Variants in RIMS1 observed in about 807,000 individuals in gnomAD.
RIMS1 encodes regulating synaptic membrane exocytosis protein 1.
RIMS1 carries 83 observed loss-of-function variants against 214.1 expected under a neutral mutation model. The ratio of observed to expected loss-of-function variants is 0.39; its 90% CI spans 0.32 to 0.47. The LOEUF is 0.47. Ranked by LOEUF, RIMS1 falls within the 20% of genes least tolerant of loss-of-function variation. The pLI is 0.99. For synonymous variants in RIMS1, 793 were observed against 786.8 expected (o/e 1.01, Z -0.13); for missense variants, 2,050 against 2,161.8 (o/e 0.95, Z 1.03).
intron 4 of RIMS1, among the ~76,000 whole-genome samples, chr6:72,145,010 G>A (rs1479009538): frequency 1.3e-5 from 2 of 151,674 alleles, no homozygotes; most frequent in Non-Finnish European, 2.9e-5. Context: ...TCAGCCTCCT[G>A]AGTAGCATAA....
chr6:72,206,951 A>G (rs949234237), intron 6 of RIMS1, among the ~76,000 whole-genome samples: 1 of 152,232 alleles, frequency 6.6e-6, no homozygotes. Context: ...TAGTATGACT[A>G]TTTATTTTTT....
At chr6:71,979,076 A>G (rs1163251803) in intron 2 of RIMS1, among the ~76,000 whole-genome samples, 3 of 152,106 alleles carry the variant, frequency 2.0e-5, no homozygotes, top group African/African-American at 7.2e-5. Context: ...GTTCTGCCAT[A>G]GCTATTTTAA....
chr6:72,388,088 C>T (rs1008103890), intron 29 of RIMS1, among the ~76,000 whole-genome samples: 1 of 152,122 alleles, frequency 6.6e-6, no homozygotes. Flanking sequence ...TCACAATGAC[C>T]CTGCTCACAT....
chr6:71,913,931 A>T (rs1303185818), intron 1 of RIMS1, among the ~76,000 whole-genome samples: 1 of 152,160 alleles, frequency 6.6e-6, no homozygotes, highest in African/African-American at 2.4e-5. Context: ...GAGTATCTAT[A>T]GCACTACTAA....
intron 1 of RIMS1, among the ~76,000 whole-genome samples, chr6:71,964,254 A>G (rs1187241658): frequency 6.6e-6 from 1 of 152,174 alleles, no homozygotes; most frequent in Non-Finnish European, 1.5e-5. Context: ...GCAGGAAGGT[A>G]GATGGAGGGA....
At chr6:72,262,215 A>G (rs1009070654) in intron 19 of RIMS1, 5 of 787,800 alleles carry the variant, frequency 6.3e-6, no homozygotes, top group Non-Finnish European at 7.7e-6. Flanking sequence ...GTAAAATATT[A>G]TATACTTATA....
chr6:72,252,869 C>T (rs1006396671), intron 16 of RIMS1, 37 bp downstream of exon 16: 65 of 1,488,522 alleles, frequency 4.4e-5, no homozygotes, highest in Middle Eastern at 1.7e-4. Context: ...CTTCACTGTG[C>T]TGCTTTGCTT....
chr6:72,254,844 C>A lies in RIMS1; in HGVS notation c.2770+2012C>A, dbSNP rs192445586. 2.3e-4 allele frequency among the ~76,000 whole-genome samples: 35 copies of A among 152,216 alleles called. No individual in the cohort carries two copies. In the East Asian group the frequency reaches 5.8e-3, roughly 25 times the overall value. ...TACTTATATTCCATACTGAAATATA[C>A]CATGTCCCTCAAAGTGTTTGCAAAC... On this transcript the variant is annotated intron_variant, in intron 16 of 33. Coordinates refer to ENST00000521978, the MANE Select transcript of RIMS1 (RefSeq NM_014989.7).
intron 4 of RIMS1, among the ~76,000 whole-genome samples, chr6:72,103,173 C>A (rs79603239): frequency 0.011 from 1,707 of 152,146 alleles, 11 homozygotes; most frequent in Non-Finnish European, 0.017. Context: ...GATTAGATTT[C>A]ACAAGCTGTC....
chr6:72,270,297 CTA>C (rs1488489620), intron 22 of RIMS1, among the ~76,000 whole-genome samples: 1 of 152,048 alleles, frequency 6.6e-6, no homozygotes, highest in Non-Finnish European at 1.5e-5. Context: ...TATTTAAGGA[CTA>C]AAATGAATAA....
chr6:72,116,693 A>T lies in RIMS1; in HGVS notation c.471+16707A>T, dbSNP rs561430416. ...TCTTTATGCCTCTATATAGCCATAG[A>T]TAATACAAATAGATGTGGCCATGAT... On this transcript the variant is annotated intron_variant, in intron 4 of 33. Transcript: ENST00000521978. Among the ~76,000 whole-genome samples, 658 of 152,130 alleles carry T rather than the reference A, an allele frequency of 4.3e-3. 4 individuals are homozygous for T. The highest frequency in any genetic ancestry group is 4.4e-3 in the Non-Finnish European group (296 of 67,934).
chr6:72,151,379 A>G (rs909834489), intron 4 of RIMS1, among the ~76,000 whole-genome samples: 11 of 152,220 alleles, frequency 7.2e-5, no homozygotes, highest in African/African-American at 2.2e-4. Flanking sequence ...AACCAGCGGA[A>G]TCAGGATGAA....
chr6:72,242,987 A>G (rs2067624210), intron 10 of RIMS1, among the ~76,000 whole-genome samples: 1 of 151,800 alleles, frequency 6.6e-6, no homozygotes, highest in South Asian at 2.1e-4. Context: ...CTCAATTTTC[A>G]GTACAATTTA....
chr6:72,260,201 A>C (rs1395735900), intron 18 of RIMS1, among the ~76,000 whole-genome samples: 2 of 152,190 alleles, frequency 1.3e-5, no homozygotes, highest in African/African-American at 4.8e-5. Context: ...ATAAAGTATT[A>C]ATTGTAAAAT....
At chr6:72,185,012 T>G (rs2048900710) in intron 6 of RIMS1, among the ~76,000 whole-genome samples, 1 of 152,210 alleles carries the variant, frequency 6.6e-6, no homozygotes, top group South Asian at 2.1e-4. Context: ...GGATGTTTTG[T>G]CCCTGAAGTC....
intron 6 of RIMS1, among the ~76,000 whole-genome samples, chr6:72,202,769 A>T (rs1337011831): frequency 6.6e-6 from 1 of 152,198 alleles, no homozygotes; most frequent in African/African-American, 2.4e-5. Flanking sequence ...AATATCCCAG[A>T]TCATGAGGAC....
chr6:72,391,342 G>A (rs529227487), intron 30 of RIMS1, among the ~76,000 whole-genome samples: 36 of 148,612 alleles, frequency 2.4e-4, no homozygotes, highest in South Asian at 6.3e-4. Context: ...TACTCTTTTC[G>A]ATTCTTTTTC....
At chr6:72,042,685 G>A (rs940959102) in intron 2 of RIMS1, among the ~76,000 whole-genome samples, 3 of 151,724 alleles carry the variant, frequency 2.0e-5, no homozygotes, top group African/African-American at 7.3e-5. Context: ...CCTCTGTTGA[G>A]GTTAACATAT....
chr6:72,305,276 C>T (rs892837902), intron 26 of RIMS1, among the ~76,000 whole-genome samples: 40 of 152,024 alleles, frequency 2.6e-4, no homozygotes, highest in Non-Finnish European at 4.4e-4. Flanking sequence ...GTCTAAGTAA[C>T]CATCTACCCT....
Sources: allele counts gnomAD v4.1 joint callset (sites outside exome capture counted in the v4.1 genomes callset), GRCh38; gene constraint gnomAD v4.1.1; transcripts MANE v1.5; gene names NCBI Gene and HGNC (gene_info 2026-07-23, HGNC 2026-07-21).